Variants in KCNT1 observed in about 807,000 individuals in gnomAD.
KCNT1 encodes the protein potassium sodium-activated channel subfamily T member 1, also known as potassium channel subfamily T member 1.
A neutral mutation model predicts 147.8 loss-of-function variants in KCNT1; 78 were observed. That is an observed-to-expected ratio of 0.53 (90% CI 0.44 to 0.64). The LOEUF (loss-of-function observed/expected upper bound fraction) is 0.64, where lower values mean the gene tolerates loss of function less well. Ranked by LOEUF, KCNT1 falls within the 30% of genes least tolerant of loss-of-function variation. The pLI is 0.00. For missense variants in KCNT1, 1,419 were observed against 1,750.3 expected (o/e 0.81, Z 3.38); for synonymous variants, 867 against 748.8 (o/e 1.16, Z -2.58).
At chr9:135,705,526 G>C (rs1835216510) in intron 1 of KCNT1, among the ~76,000 whole-genome samples, 1 of 152,250 alleles carries the variant, frequency 6.6e-6, no homozygotes, top group Non-Finnish European at 1.5e-5. Context: ...GTGTGACCTT[G>C]AAGTCACCGG....
chr9:135,755,247 T>A (rs1831407336), intron 6 of KCNT1, 78 bp downstream of exon 6: 3 of 1,315,834 alleles, frequency 2.3e-6, no homozygotes, highest in Admixed American at 2.3e-5. Context: ...ACTCAGTAAG[T>A]AGGGAACCCA....
chr9:135,783,898 C>A (rs373295257), intron 24 of KCNT1, 126 bp from the exon 25 acceptor site: 12 of 705,730 alleles, frequency 1.7e-5, no homozygotes. Context: ...ACACACCATG[C>A]ACAAATGTGC....
chr9:135,752,177 C>T lies in KCNT1; in HGVS notation c.434+1136C>T. The T allele has an allele frequency of 5.7e-6, 2 of 349,914 alleles. No individual in the cohort carries two copies. Among genetic ancestry groups the T allele is most frequent in the South Asian group, 4.3e-5 (2 of 46,258 alleles). 21.7% of individuals were successfully genotyped at this position (349,914 alleles called of 1,614,324 possible). On this transcript the variant is annotated intron_variant, in intron 4 of 30. Coordinates refer to ENST00000371757, the MANE Select transcript of KCNT1 (RefSeq NM_020822.3). The surrounding 1 kb of genome is among the most constrained non-coding windows in gnomAD (Gnocchi z 5.1). ...GGGTGAACCCTGCCAGCATGCTGGT[C>T]CCCCCTCTGGCTGCGCAGAGCAGGT...
At chr9:135,740,843 C>T (rs528860361) in intron 2 of KCNT1, among the ~76,000 whole-genome samples, 2 of 152,348 alleles carry the variant, frequency 1.3e-5, no homozygotes, top group Admixed American at 6.5e-5. Flanking sequence ...CATCAGGGTC[C>T]TCCTGGACCA....
At position 135,792,564 on chromosome 9, in the gene KCNT1, G is replaced by A; in HGVS notation, c.*403G>A. 5.7e-6 allele frequency: 1 copy of A among 176,518 alleles called. No homozygotes were observed. The highest frequency in any genetic ancestry group is 1.2e-5 in the Non-Finnish European group (1 of 83,532). 10.9% of individuals were successfully genotyped at this position (176,518 alleles called of 1,614,324 possible). A position where few individuals can be genotyped will look rare whatever the true frequency, so the allele number is the denominator to read the frequency against. On this transcript the variant is annotated 3_prime_UTR_variant, in exon 31 of 31. Transcript: ENST00000371757. ...ACCCAGAACCCAGGAGCCCCGCGTG[G>A]GCCACACCCAACTCAGAGCCGGCCT...
At position 135,792,036 on chromosome 9, in the gene KCNT1, C is replaced by T. The variant is rs765277880; in HGVS notation, c.3588-5C>T. 25 of 1,603,846 alleles carry T rather than the reference C, an allele frequency of 1.6e-5. No homozygotes were observed. Among genetic ancestry groups the T allele is most frequent in the South Asian group, 7.7e-5 (7 of 90,938 alleles). On this transcript the variant is annotated splice_polypyrimidine_tract_variant and splice_region_variant and intron_variant, in intron 30 of 30. Transcript: ENST00000371757. ...CACTCCAGGGTCCTCTGTGCCCTCC[C>T]GCAGCTATCTCATCCGCTCCGACCC...
chr9:135,785,403 G>C, intron 28 of KCNT1, 73 bp downstream of exon 28: 1 of 1,543,490 alleles, frequency 6.5e-7, no homozygotes, highest in Non-Finnish European at 8.8e-7. Flanking sequence ...GGAGAAGCCT[G>C]CCAGGCCCCA....
chr9:135,779,302 C>CTGGGGG (rs1489919786), intron 23 of KCNT1, 57 bp from the exon 24 acceptor site: 3 of 1,100,470 alleles, frequency 2.7e-6, no homozygotes, highest in Non-Finnish European at 4.1e-6. Flanking sequence ...TGGGCCCCCA[C>CTGGGGG]CCTGAGACCT....
At chr9:135,717,746 C>T (rs1283026824) in intron 2 of KCNT1, among the ~76,000 whole-genome samples, 3 of 152,218 alleles carry the variant, frequency 2.0e-5, no homozygotes, top group Non-Finnish European at 4.4e-5. Flanking sequence ...CCACTTACCC[C>T]ACCCAGGAAT....
At chr9:135,763,174 C>T (rs999314113) in intron 11 of KCNT1, among the ~76,000 whole-genome samples, 2 of 152,234 alleles carry the variant, frequency 1.3e-5, no homozygotes, top group African/African-American at 4.8e-5. Flanking sequence ...CTGTCCCTGG[C>T]AGGGCTGGGG....
rs146592053 is a variant in KCNT1, at chr9:135,740,829, C to T, written c.255-9269C>T. 7.2e-5 allele frequency among the ~76,000 whole-genome samples: 11 copies of T among 152,342 alleles called. No homozygotes were observed. The East Asian group carries it at 1.7e-3, about 24-fold the overall frequency. ...CCAGGCCACCAACCGCTGGGACAGG[C>T]GAGCATCAGGGTCCTCCTGGACCAC... is the stretch of plus-strand genomic sequence containing the variant. On this transcript the variant is annotated intron_variant, in intron 2 of 30. Transcript: ENST00000371757.
chr9:135,779,887 A>G (rs1833483423), intron 24 of KCNT1, among the ~76,000 whole-genome samples: 2 of 152,268 alleles, frequency 1.3e-5, no homozygotes, highest in South Asian at 4.1e-4. Flanking sequence ...GCACCATTCC[A>G]GACTTCTCCG....
chr9:135,732,022 A>C (rs1266750183), intron 2 of KCNT1, among the ~76,000 whole-genome samples: 1 of 129,408 alleles, frequency 7.7e-6, no homozygotes, highest in African/African-American at 2.9e-5. Context: ...AGAGAGAGAG[A>C]GAGAGAGAGA....
chr9:135,754,092 C>T (rs1831345346), intron 5 of KCNT1, 99 bp downstream of exon 5: 1 of 1,112,546 alleles, frequency 9.0e-7, no homozygotes, highest in African/African-American at 1.5e-5. Context: ...TAGCCAGGCG[C>T]TCAGAGGCCT....
chr9:135,753,206 G>A (rs964059848), intron 4 of KCNT1, among the ~76,000 whole-genome samples: 1 of 152,182 alleles, frequency 6.6e-6, no homozygotes, highest in Non-Finnish European at 1.5e-5. Context: ...ATACTTCTGT[G>A]GGCACTTAGT....
intron 29 of KCNT1, among the ~76,000 whole-genome samples, chr9:135,788,677 A>T (rs543887415): frequency 6.6e-6 from 1 of 152,284 alleles, no homozygotes; most frequent in East Asian, 1.9e-4. Context: ...CACGAGGAGT[A>T]GGCAGGCTTT....
chr9:135,716,444 G>A (rs930899911), intron 2 of KCNT1, among the ~76,000 whole-genome samples: 9 of 152,308 alleles, frequency 5.9e-5, no homozygotes, highest in African/African-American at 2.2e-4. Flanking sequence ...CTGATCCTGG[G>A]TGTGGTTTTT....
chr9:135,781,263 G>A (rs769348920), intron 24 of KCNT1, among the ~76,000 whole-genome samples: 12 of 152,238 alleles, frequency 7.9e-5, no homozygotes, highest in Non-Finnish European at 1.0e-4. Context: ...AGCTCCTCTG[G>A]GCTGACATGG....
intron 1 of KCNT1, among the ~76,000 whole-genome samples, chr9:135,712,031 T>C (rs1166459642): frequency 6.6e-6 from 1 of 152,206 alleles, no homozygotes; most frequent in African/African-American, 2.4e-5. Flanking sequence ...GCAGGACTGA[T>C]GGGCCAGGAC....
Sources: gnomAD v4.1 joint callset for allele counts (sites outside exome capture counted in the v4.1 genomes callset) on GRCh38, gnomAD v4.1.1 for gene constraint, Gnocchi (gnomAD v3.1) non-coding constraint, MANE v1.5 for transcripts, NCBI Gene and HGNC (gene_info 2026-07-23, HGNC 2026-07-21) for gene names.